Variants in RBPJ observed in about 807,000 individuals in gnomAD.
The protein encoded by RBPJ is recombining binding protein suppressor of hairless.
Under a neutral mutation model 67.8 loss-of-function variants are expected in RBPJ, and 9 were observed. The ratio of observed to expected loss-of-function variants is 0.13; its 90% CI spans 0.08 to 0.23. The LOEUF is 0.23. Ranked by LOEUF, RBPJ falls within the 10% of genes least tolerant of loss-of-function variation. RBPJ has a pLI of 1.00. For synonymous variants in RBPJ, 198 were observed against 203.3 expected (o/e 0.97, Z 0.22); for missense variants, 305 against 595.6 (o/e 0.51, Z 5.08).
intron 5 of RBPJ, among the ~76,000 whole-genome samples, chr4:26,421,156 T>A (rs1199532505): frequency 6.6e-6 from 1 of 152,226 alleles, no homozygotes; most frequent in Non-Finnish European, 1.5e-5. Flanking sequence ...CAGGCCTTCC[T>A]GAGAATCTAA....
chr4:26,123,364 A>T, the RBPJ span, among the ~76,000 whole-genome samples: 1 of 152,196 alleles, frequency 6.6e-6, no homozygotes, highest in Non-Finnish European at 1.5e-5. Context: ...ACTTACTATA[A>T]ATGGAGCTTG....
At chr4:26,208,695 C>A (rs1053003147) in intron 1 of RBPJ, among the ~76,000 whole-genome samples, 2 of 152,094 alleles carry the variant, frequency 1.3e-5, no homozygotes, top group Non-Finnish European at 2.9e-5. Context: ...TTTTGACCAC[C>A]CTGTGATTTT....
upstream of RBPJ, chr4:26,319,898 G>A (rs776837625): frequency 1.9e-6 from 3 of 1,595,316 alleles, no homozygotes; most frequent in Non-Finnish European, 2.6e-6. Flanking sequence ...GGTAGGAGGA[G>A]GGGGCGGGAT....
At chr4:26,228,362 G>A (rs1221768646) in intron 1 of RBPJ, among the ~76,000 whole-genome samples, 1 of 152,036 alleles carries the variant, frequency 6.6e-6, no homozygotes, top group African/African-American at 2.4e-5. Flanking sequence ...ACATACATAT[G>A]CACACTCACA....
intron 1 of RBPJ, among the ~76,000 whole-genome samples, chr4:26,266,694 G>C (rs1720714899): frequency 6.6e-6 from 1 of 152,080 alleles, no homozygotes; most frequent in African/African-American, 2.4e-5. Flanking sequence ...TCTTCCTGCT[G>C]TTTTCTCAAA....
At chr4:26,115,001 C>T in the RBPJ span, among the ~76,000 whole-genome samples, 2 of 152,152 alleles carry the variant, frequency 1.3e-5, no homozygotes, top group Non-Finnish European at 2.9e-5. Flanking sequence ...TATATTATTG[C>T]CTCTGTATGG....
intron 3 of RBPJ, chr4:26,410,070 A>C (rs746683775): frequency 6.6e-6 from 3 of 454,454 alleles, no homozygotes; most frequent in Non-Finnish European, 1.3e-5. Context: ...TGCTAATGCT[A>C]ATCTAGCCCT....
chr4:26,144,804 C>T, the RBPJ span, among the ~76,000 whole-genome samples: 1 of 152,184 alleles, frequency 6.6e-6, no homozygotes. Context: ...GGGTGACAGA[C>T]TGGGGAAGCC....
chr4:26,185,161 G>C (rs1377335616), intron 1 of RBPJ, among the ~76,000 whole-genome samples: 1 of 149,392 alleles, frequency 6.7e-6, no homozygotes, highest in Non-Finnish European at 1.5e-5. Context: ...AAAAAGAAAA[G>C]ATAGTTATGT....
chr4:26,251,790 G>C (rs540471028), intron 1 of RBPJ, among the ~76,000 whole-genome samples: 156 of 144,486 alleles, frequency 1.1e-3, no homozygotes, highest in African/African-American at 3.5e-3. Context: ...GGAGGTTGCA[G>C]TGAGCCAAGA....
intron 1 of RBPJ, among the ~76,000 whole-genome samples, chr4:26,281,783 A>T (rs1171882028): frequency 6.6e-6 from 1 of 152,226 alleles, no homozygotes; most frequent in Admixed American, 6.5e-5. Context: ...CCCATTTACA[A>T]TGAGCTACAC....
chr4:26,255,584 CGAGGT>C (rs1720305272), intron 1 of RBPJ, among the ~76,000 whole-genome samples: 1 of 149,098 alleles, frequency 6.7e-6, no homozygotes, highest in East Asian at 2.0e-4. Flanking sequence ...GGGCGGATCA[CGAGGT>C]CGGGAGATCG....
chr4:26,238,902 C>T (rs917036592), intron 1 of RBPJ, among the ~76,000 whole-genome samples: 1 of 152,070 alleles, frequency 6.6e-6, no homozygotes, highest in African/African-American at 2.4e-5. Flanking sequence ...TGGAACAAAG[C>T]AGCAGGTGAG....
chr4:26,156,418 T>C, the RBPJ span, among the ~76,000 whole-genome samples: 27 of 140,458 alleles, frequency 1.9e-4, no homozygotes, highest in East Asian at 2.6e-3. Context: ...TTCTTTCTTT[T>C]TTTTTTTTTT....
At chr4:26,136,158 C>G in the RBPJ span, among the ~76,000 whole-genome samples, 1 of 152,192 alleles carries the variant, frequency 6.6e-6, no homozygotes, top group Non-Finnish European at 1.5e-5. Flanking sequence ...ATTCAATTGT[C>G]TCCACCTGGC....
At chr4:26,255,382 C>G (rs369089320) in intron 1 of RBPJ, among the ~76,000 whole-genome samples, 8 of 91,238 alleles carry the variant, frequency 8.8e-5, no homozygotes, top group African/African-American at 4.0e-4. Flanking sequence ...CCAGCCTGGG[C>G]GACAGAGCGA....
chr4:26,233,329 A>C (rs1417463273), intron 1 of RBPJ, among the ~76,000 whole-genome samples: 1 of 152,222 alleles, frequency 6.6e-6, no homozygotes, highest in African/African-American at 2.4e-5. Flanking sequence ...GTCCACATAC[A>C]AGCTCTTCTG....
intron 1 of RBPJ, among the ~76,000 whole-genome samples, chr4:26,259,067 G>C (rs1419750957): frequency 6.6e-6 from 1 of 152,124 alleles, no homozygotes; most frequent in Non-Finnish European, 1.5e-5. Flanking sequence ...CTCCCAAAGT[G>C]CTGGGATTAC....
upstream of RBPJ, chr4:26,320,915 G>C: frequency 6.2e-7 from 1 of 1,602,064 alleles, no homozygotes; most frequent in Non-Finnish European, 8.5e-7. Context: ...GGGAGCGCGG[G>C]GGCTGGGTGG....
Sources: gnomAD v4.1 joint callset for allele counts (sites outside exome capture counted in the v4.1 genomes callset) on GRCh38, gnomAD v4.1.1 for gene constraint, MANE v1.5 for transcripts, NCBI Gene and HGNC (gene_info 2026-07-23, HGNC 2026-07-21) for gene names.